MCMBP: variants seen among roughly 807,000 people sequenced by gnomAD.
MCMBP encodes the protein minichromosome maintenance complex binding protein.
MCMBP carries 31 observed loss-of-function variants against 81.3 expected under a neutral mutation model. The observed-to-expected ratio is 0.38, with a 90% CI of 0.29 to 0.51. The LOEUF (loss-of-function observed/expected upper bound fraction) is 0.51. Ranked by LOEUF, MCMBP falls within the 20% of genes least tolerant of loss-of-function variation. The probability of loss-of-function intolerance (pLI) is 0.87; values close to 1 mark genes in which losing one functional copy is unlikely to be tolerated. For missense variants in MCMBP, 645 were observed against 772.1 expected, an observed-to-expected ratio of 0.84 and a Z score of 1.95; for synonymous variants, 267 against 275.9, an observed-to-expected ratio of 0.97 and a Z score of 0.32.
At chr10:119,853,632 G>A (rs1852911918) in intron 5 of MCMBP, among the ~76,000 whole-genome samples, 2 of 152,202 alleles carry the variant, frequency 1.3e-5, no homozygotes, top group Admixed American at 1.3e-4. Context: ...TTGCAGAGAA[G>A]TACTAGAAAG....
In MCMBP at chr10:119,854,183, A is replaced by G. The variant is rs1229423203; in HGVS notation, c.430-989T>C. On this transcript the variant is annotated intron_variant, in intron 5 of 15. Transcript: ENST00000369077. ...AAGCCATGGGAGTAGCTGGAACCAC[A>G]GGTGCCCACCACCAAGCCCGGCTAG... 2.6e-5 allele frequency among the ~76,000 whole-genome samples: 4 copies of G among 151,760 alleles called. No individual in the cohort carries two copies. In the East Asian group the frequency reaches 5.9e-4, roughly 22 times the overall value.
intron 5 of MCMBP, 90 bp from the exon 6 acceptor site, chr10:119,853,284 T>G: frequency 2.2e-6 from 3 of 1,354,500 alleles, no homozygotes; most frequent in Non-Finnish European, 3.0e-6. Context: ...ATTACTAGTT[T>G]GGCAATTCAG....
chr10:119,868,587 T>C (rs1853556714), intron 1 of MCMBP, among the ~76,000 whole-genome samples: 1 of 152,178 alleles, frequency 6.6e-6, no homozygotes, highest in African/African-American at 2.4e-5. Flanking sequence ...GATACAGTGG[T>C]GAATAATGCA....
At chr10:119,853,888 G>T (rs1852925428) in intron 5 of MCMBP, among the ~76,000 whole-genome samples, 1 of 151,984 alleles carries the variant, frequency 6.6e-6, no homozygotes. Context: ...GTTCAACAAG[G>T]GCTGTTCTAC....
intron 15 of MCMBP, 131 bp from the exon 16 acceptor site, chr10:119,831,731 A>G: frequency 1.9e-6 from 2 of 1,063,806 alleles, no homozygotes; most frequent in Non-Finnish European, 2.6e-6. Flanking sequence ...GTAGTTACAC[A>G]CAAGTCAACA....
chr10:119,857,496 T>C, intron 4 of MCMBP, 57 bp from the exon 5 acceptor site: 1 of 1,200,622 alleles, frequency 8.3e-7, no homozygotes, highest in Non-Finnish European at 1.2e-6. Context: ...CCAAAATTTA[T>C]TTTAAAATTA....
chr10:119,835,612 C>A lies in MCMBP; in HGVS notation c.1635G>T (p.Val545=). ...TTAGATAAATGCGGAATTTGTTCAG[C>A]ACGGAAGGCAGCACCGCTGAGAGAA... The part of the protein sequence containing the change: ...NSLLSAVLPS[V]LNKFRIYLTL... The change falls in exon 14 of 16, where the codon GTG becomes GTT. Residue 545 remains valine, a synonymous_variant. Coordinates refer to ENST00000369077, the MANE Select transcript of MCMBP (RefSeq NM_001256378.2). 6.2e-7 allele frequency: 1 copy of A among 1,614,206 alleles called. No homozygotes were observed. The highest frequency in any genetic ancestry group is 8.5e-7 in the Non-Finnish European group (1 of 1,180,034).
intron 5 of MCMBP, among the ~76,000 whole-genome samples, chr10:119,856,972 C>G (rs560097372): frequency 6.6e-6 from 1 of 151,612 alleles, no homozygotes; most frequent in Non-Finnish European, 1.5e-5. Context: ...TGGTGGCACA[C>G]GCTTGTGGTC....
In MCMBP at chr10:119,838,605, G is replaced by C. The variant is rs1349343782; in HGVS notation, c.1338C>G (p.Leu446=). The change falls in exon 12 of 16, where the codon CTC becomes CTG. Residue 446 remains leucine (L), a synonymous_variant. Transcript: ENST00000369077. ...YTANRLVSGL[L]QLPSNTSLVI... is the part of the protein sequence containing the mutation. ...CAAGGGAAGTATTGCTGGGCAGCTG[G>C]AGGAGCCCACTGACCAAGCGATTGG... 2.5e-6 allele frequency: 4 copies of C among 1,614,158 alleles called. No individual in the cohort carries two copies. Among genetic ancestry groups the C allele is most frequent in the African/African-American group, 2.7e-5 (2 of 75,060 alleles).
intron 1 of MCMBP, among the ~76,000 whole-genome samples, chr10:119,860,300 A>G (rs1413105659): frequency 6.6e-6 from 1 of 152,188 alleles, no homozygotes; most frequent in Non-Finnish European, 1.5e-5. Context: ...AAAGAGCCTA[A>G]GTTTTTTTGT....
Position 119,835,579 on chromosome 10 carries a change from C to CA in MCMBP, c.1667dup (p.Leu556PhefsTer7). 1 of 1,614,146 alleles carries CA rather than the reference C, an allele frequency of 6.2e-7. No homozygotes were observed. Reference sequence around the variant, plus strand: ...CAGATATGCTATATTCCAAGAATCTCAAAAGAGTTAGATAAATGCGGAATT... The same window carrying CA: ...CAGATATGCTATATTCCAAGAATCTCAAAAAGAGTTAGATAAATGCGGAATT... On this transcript the variant is annotated frameshift_variant, in exon 14 of 16. Coordinates refer to ENST00000369077, the MANE Select transcript of MCMBP (RefSeq NM_001256378.2). LOFTEE classifies it high-confidence loss of function.
intron 7 of MCMBP, among the ~76,000 whole-genome samples, chr10:119,848,011 C>G (rs1443919215): frequency 6.6e-6 from 1 of 150,728 alleles, no homozygotes; most frequent in Non-Finnish European, 1.5e-5. Context: ...CAAAGGCTGA[C>G]AGTTAAAACT....
intron 1 of MCMBP, among the ~76,000 whole-genome samples, chr10:119,866,960 C>T (rs1853482047): frequency 6.6e-6 from 1 of 151,200 alleles, no homozygotes; most frequent in Admixed American, 6.6e-5. Flanking sequence ...GAGACTCTGT[C>T]TCAAAGAAAA....
intron 5 of MCMBP, among the ~76,000 whole-genome samples, chr10:119,854,045 CTTTT>C (rs111657130): frequency 1.4e-5 from 2 of 140,012 alleles, no homozygotes; most frequent in Non-Finnish European, 3.1e-5. Flanking sequence ...TTTTCCTTTT[CTTTT>C]TTTTTTTTTT....
intron 6 of MCMBP, among the ~76,000 whole-genome samples, chr10:119,850,936 G>A (rs955077673): frequency 4.7e-5 from 7 of 147,750 alleles, no homozygotes; most frequent in African/African-American, 7.5e-5. Context: ...GCATGGTGGC[G>A]ATCAGCGCTC....
intron 1 of MCMBP, among the ~76,000 whole-genome samples, chr10:119,867,158 TGGTG>T (rs1482336478): frequency 6.8e-6 from 1 of 148,148 alleles, no homozygotes; most frequent in Non-Finnish European, 1.5e-5. Flanking sequence ...CCAGGTGTGG[TGGTG>T]GTCGCCTGTA....
rs1852266859 is a variant in MCMBP at position 119,836,898 on chromosome 10, G to A, written c.1540C>T (p.Pro514Ser). The change falls in exon 13 of 16, where the codon CCG (proline) becomes TCG (serine). Residue 514 changes from proline (P) to serine (S), a missense_variant and splice_region_variant. By Grantham distance (74) the Pro-to-Ser change is moderately conservative. Coordinates refer to ENST00000369077, the MANE Select transcript of MCMBP (RefSeq NM_001256378.2). ...CATTTAAAAATGACTCATCATACCG[G>A]GAGGAGTGACCTCCCCTCCGAAGTA... The part of the protein sequence containing the change: ...FITSEGRSLL[P>S]ADCQIHLQPQ... The A allele has an allele frequency of 1.2e-6, 2 of 1,607,740 alleles. No homozygotes were observed. Among genetic ancestry groups the A allele is most frequent in the Non-Finnish European group, 1.7e-6 (2 of 1,176,804 alleles).
chr10:119,849,698 TGTTACA>T, intron 6 of MCMBP, 122 bp from the exon 7 acceptor site: 1 of 859,010 alleles, frequency 1.2e-6, no homozygotes, highest in Non-Finnish European at 1.7e-6. Flanking sequence ...AAGTTCAAGT[TGTTACA>T]GTTTTTAAGG....
At chr10:119,871,825 C>T (rs910933864) in intron 1 of MCMBP, among the ~76,000 whole-genome samples, 8 of 152,092 alleles carry the variant, frequency 5.3e-5, no homozygotes, top group South Asian at 2.1e-4. Flanking sequence ...CTTCGTATAC[C>T]CTTCGCAGTA....
Sources: gnomAD v4.1 joint callset for allele counts (sites outside exome capture counted in the v4.1 genomes callset) on GRCh38, gnomAD v4.1.1 for gene constraint, MANE v1.5 for transcripts, NCBI Gene and HGNC (gene_info 2026-07-23, HGNC 2026-07-21) for gene names.